NPAS3: variants seen among roughly 807,000 people sequenced by gnomAD.
NPAS3 encodes the protein neuronal PAS domain-containing protein 3.
Under a neutral mutation model 73.1 loss-of-function variants are expected in NPAS3, and 14 were observed. The observed-to-expected ratio is 0.19, with a 90% CI of 0.13 to 0.30. The LOEUF (loss-of-function observed/expected upper bound fraction) is 0.30. Ranked by LOEUF, NPAS3 falls within the 10% of genes least tolerant of loss-of-function variation. The pLI is 1.00. For missense variants in NPAS3, 1,096 were observed against 1,250.0 expected, an observed-to-expected ratio of 0.88 and a Z score of 1.86; for synonymous variants, 620 against 541.5, an observed-to-expected ratio of 1.14 and a Z score of -2.01.
At chr14:33,656,037 C>T (rs1354765617) in intron 5 of NPAS3, among the ~76,000 whole-genome samples, 1 of 152,166 alleles carries the variant, frequency 6.6e-6, no homozygotes, top group Admixed American at 6.5e-5. Context: ...TTACCAGATG[C>T]CTCTCTTGTC....
At chr14:33,216,112 ATATT>A (rs2047213670) in intron 3 of NPAS3, among the ~76,000 whole-genome samples, 1 of 152,090 alleles carries the variant, frequency 6.6e-6, no homozygotes, top group Admixed American at 6.6e-5. Context: ...ATGCATGGAT[ATATT>A]TATTTATGTA....
At chr14:33,001,151 T>C (rs74371609) in intron 1 of NPAS3, among the ~76,000 whole-genome samples, 6,759 of 152,246 alleles carry the variant, frequency 0.044, 265 homozygotes, top group East Asian at 0.22. Flanking sequence ...GGATGCAGGT[T>C]TGTAATAGCT....
chr14:33,513,471 C>A (rs1468001293), intron 4 of NPAS3, among the ~76,000 whole-genome samples: 2 of 151,960 alleles, frequency 1.3e-5, no homozygotes, highest in African/African-American at 2.4e-5. Flanking sequence ...CACAGCCAGC[C>A]TTTGAGTACA....
At chr14:33,028,275 T>C (rs1256253119) in intron 1 of NPAS3, among the ~76,000 whole-genome samples, 1 of 152,262 alleles carries the variant, frequency 6.6e-6, no homozygotes, top group Non-Finnish European at 1.5e-5. Flanking sequence ...TTTCTGTATT[T>C]CTGCCTCAGT....
chr14:33,310,705 C>G (rs1266413678), intron 3 of NPAS3, among the ~76,000 whole-genome samples: 1 of 151,240 alleles, frequency 6.6e-6, no homozygotes, highest in Non-Finnish European at 1.5e-5. Context: ...GTCACCTCAT[C>G]AAGTCCTTGT....
chr14:33,699,386 T>C lies in NPAS3; in HGVS notation c.733+23001T>C, dbSNP rs531414761. ...TAAATTTGCGTTGGCAATAGATCTG[T>C]TTTTCTGAAACCGAAGCGCACTCTC... On this transcript the variant is annotated intron_variant, in intron 6 of 11. Coordinates refer to ENST00000356141, the Ensembl canonical transcript of NPAS3. Among the ~76,000 whole-genome samples, 3 of 152,240 alleles carry C rather than the reference T, an allele frequency of 2.0e-5. No homozygotes were observed. The South Asian group carries it at 6.2e-4, about 32-fold the overall frequency.
intron 1 of NPAS3, among the ~76,000 whole-genome samples, chr14:33,038,540 C>CATATAT (rs10694585): frequency 1.4e-5 from 2 of 144,696 alleles, no homozygotes; most frequent in African/African-American, 5.2e-5. Context: ...CATATATACA[C>CATATAT]ATATATATAT....
At chr14:32,957,116 C>T (rs936222893) in intron 1 of NPAS3, among the ~76,000 whole-genome samples, 3 of 152,052 alleles carry the variant, frequency 2.0e-5, no homozygotes, top group African/African-American at 7.2e-5. Flanking sequence ...TCAGTGTCTG[C>T]GTGGGAAGAT....
At chr14:33,460,487 A>G (rs1474552267) in intron 4 of NPAS3, among the ~76,000 whole-genome samples, 1 of 152,174 alleles carries the variant, frequency 6.6e-6, no homozygotes, top group Non-Finnish European at 1.5e-5. Context: ...GCACTTGTGG[A>G]ATGCAGTTAT....
At chr14:33,193,855 C>T (rs1366694633) in intron 2 of NPAS3, among the ~76,000 whole-genome samples, 1 of 152,156 alleles carries the variant, frequency 6.6e-6, no homozygotes. Context: ...GTCATCATCA[C>T]CTTTTTTTGT....
intron 4 of NPAS3, among the ~76,000 whole-genome samples, chr14:33,478,573 T>C: frequency 6.6e-6 from 1 of 152,150 alleles, no homozygotes; most frequent in Non-Finnish European, 1.5e-5. Context: ...TAAAATTTGA[T>C]TTATATCATA....
At chr14:33,777,264 G>C (rs1319332500) in intron 8 of NPAS3, among the ~76,000 whole-genome samples, 3 of 152,150 alleles carry the variant, frequency 2.0e-5, no homozygotes, top group African/African-American at 7.2e-5. Flanking sequence ...CGACTAATCT[G>C]TGTCATACCT....
In NPAS3 at chr14:33,737,497, G is replaced by A. The variant is rs2140663227; in HGVS notation, c.852+2165G>A. ...CATACTCCCCTGACATACCCTGTCA[G>A]CAGGTCTTTCTCAAGATACCATGAG... On this transcript the variant is annotated intron_variant, in intron 7 of 11. Transcript: ENST00000356141. Among the ~76,000 whole-genome samples the A allele has an allele frequency of 1.3e-5, 2 of 152,222 alleles. 1 individual carries two copies. The highest frequency in any genetic ancestry group is 2.9e-5 in the Non-Finnish European group (2 of 68,012).
intron 2 of NPAS3, among the ~76,000 whole-genome samples, chr14:33,197,555 T>C (rs1594366767): frequency 6.6e-6 from 1 of 150,606 alleles, no homozygotes; most frequent in Non-Finnish European, 1.5e-5. Context: ...CAGATGCTCC[T>C]GTAATGGAAG....
chr14:33,016,301 A>G (rs1229149667), intron 1 of NPAS3, among the ~76,000 whole-genome samples: 2 of 152,182 alleles, frequency 1.3e-5, no homozygotes, highest in Non-Finnish European at 2.9e-5. Context: ...GTGTCTCTGT[A>G]GCACTTGGCC....
At chr14:33,061,765 C>T (rs2041109712) in intron 2 of NPAS3, among the ~76,000 whole-genome samples, 1 of 152,192 alleles carries the variant, frequency 6.6e-6, no homozygotes, top group Admixed American at 6.5e-5. Context: ...AAGAAAACCT[C>T]TGCTCTCTAG....
At chr14:33,531,587 A>T (rs1012742829) in intron 4 of NPAS3, among the ~76,000 whole-genome samples, 1 of 152,100 alleles carries the variant, frequency 6.6e-6, no homozygotes. Flanking sequence ...ATTGAAGGAC[A>T]TTTGGGTTGA....
chr14:33,246,886 T>C (rs965863055), intron 3 of NPAS3, among the ~76,000 whole-genome samples: 2 of 116,118 alleles, frequency 1.7e-5, no homozygotes, highest in Non-Finnish European at 3.5e-5. Context: ...TGGTGGTGGG[T>C]GCCTGTAATC....
chr14:33,757,346 A>T (rs943522745), intron 7 of NPAS3, among the ~76,000 whole-genome samples: 2 of 152,190 alleles, frequency 1.3e-5, no homozygotes, highest in Admixed American at 6.5e-5. Context: ...ATTGTGTAAG[A>T]CAGGGATGAA....
Sources: gnomAD v4.1 joint callset for allele counts (sites outside exome capture counted in the v4.1 genomes callset) on GRCh38, gnomAD v4.1.1 for gene constraint, MANE v1.5 for transcripts, NCBI Gene and HGNC (gene_info 2026-07-23, HGNC 2026-07-21) for gene names.